The following NELL1 variants were observed in gnomAD, a reference collection of about 807,000 sequenced individuals.
The protein encoded by NELL1 is neural EGFL like 1.
A neutral mutation model predicts 107.4 loss-of-function variants in NELL1; 76 were observed. That is an observed-to-expected ratio of 0.71 (90% CI 0.59 to 0.86). The LOEUF is 0.86. NELL1 is among the 40% of genes least tolerant of loss of function. The pLI, the probability that NELL1 is intolerant of heterozygous loss-of-function variation, is 0.00. For synonymous variants in NELL1, 353 were observed against 341.2 expected, an observed-to-expected ratio of 1.03 and a Z score of -0.38; for missense variants, 1,024 against 1,005.5, an observed-to-expected ratio of 1.02 and a Z score of -0.25.
intron 13 of NELL1, among the ~76,000 whole-genome samples, chr11:21,190,705 C>G (rs1857031515): frequency 1.3e-5 from 2 of 151,864 alleles, no homozygotes; most frequent in South Asian, 4.1e-4. Context: ...CAGTATATGA[C>G]AACCCTAATA....
intron 12 of NELL1, among the ~76,000 whole-genome samples, chr11:21,040,266 T>A (rs534341566): frequency 6.6e-6 from 1 of 152,108 alleles, no homozygotes; most frequent in East Asian, 1.9e-4. Flanking sequence ...AACAATATCC[T>A]ATCACAAAGA....
intron 13 of NELL1, among the ~76,000 whole-genome samples, chr11:21,211,917 C>T (rs1857505985): frequency 6.6e-6 from 1 of 152,084 alleles, no homozygotes; most frequent in Admixed American, 6.6e-5. Flanking sequence ...CCTCTGCCTC[C>T]TGGGTTCAAA....
intron 12 of NELL1, among the ~76,000 whole-genome samples, chr11:21,076,950 T>C (rs1037025728): frequency 6.6e-6 from 1 of 152,146 alleles, no homozygotes; most frequent in African/African-American, 2.4e-5. Context: ...CCTATGCTTC[T>C]GTATAGCCTG....
chr11:21,455,011 G>T (rs1853689818), intron 15 of NELL1, among the ~76,000 whole-genome samples: 1 of 152,100 alleles, frequency 6.6e-6, no homozygotes, highest in Admixed American at 6.5e-5. Flanking sequence ...TAATCTTTTT[G>T]TCGTAGATCC....
At chr11:21,051,707 G>A (rs1232934893) in intron 12 of NELL1, among the ~76,000 whole-genome samples, 1 of 152,036 alleles carries the variant, frequency 6.6e-6, no homozygotes, top group Admixed American at 6.6e-5. Flanking sequence ...GATCTTCACT[G>A]CATGTCTAGC....
At chr11:20,722,805 A>G (rs1309497563) in intron 2 of NELL1, among the ~76,000 whole-genome samples, 1 of 152,192 alleles carries the variant, frequency 6.6e-6, no homozygotes, top group Non-Finnish European at 1.5e-5. Context: ...TCTCTGTATC[A>G]GTCTATTCTC....
In NELL1 at chr11:21,409,734, TTCCC is replaced by T. The variant is rs1189929873; in HGVS notation, c.1645+38787_1645+38790del. On this transcript the variant is annotated intron_variant, in intron 15 of 19. Transcript: ENST00000357134. ...GGCTATTACATTGACATCACATTTA[TTCCC>T]CATATAAACTGGTCAGATTTTACCT... Among the ~76,000 whole-genome samples, 98 of 152,158 alleles carry T rather than the reference TTCCC, an allele frequency of 6.4e-4. 1 individual carries two copies. In the South Asian group the frequency reaches 0.02, roughly 31 times the overall value.
intron 14 of NELL1, among the ~76,000 whole-genome samples, chr11:21,252,858 C>T (rs1858675572): frequency 6.6e-6 from 1 of 152,150 alleles, no homozygotes. Flanking sequence ...ATTACTTAAA[C>T]TTAAACATGG....
At chr11:21,421,087 T>C (rs890562513) in intron 15 of NELL1, among the ~76,000 whole-genome samples, 2 of 152,130 alleles carry the variant, frequency 1.3e-5, no homozygotes, top group Non-Finnish European at 1.5e-5. Flanking sequence ...TGAAAACACA[T>C]TGTATTTATG....
chr11:20,970,739 T>G (rs993736227), intron 12 of NELL1, among the ~76,000 whole-genome samples: 1 of 151,904 alleles, frequency 6.6e-6, no homozygotes, highest in Non-Finnish European at 1.5e-5. Context: ...AGTAAAGATA[T>G]GGTTGATAGT....
intron 3 of NELL1, among the ~76,000 whole-genome samples, chr11:20,790,830 G>C (rs895092106): frequency 6.6e-6 from 1 of 152,206 alleles, no homozygotes; most frequent in African/African-American, 2.4e-5. Context: ...AAGGCTCCCA[G>C]TGGCTCCACA....
At chr11:20,750,853 G>T (rs190083218) in intron 2 of NELL1, among the ~76,000 whole-genome samples, 8 of 152,264 alleles carry the variant, frequency 5.3e-5, no homozygotes, top group Non-Finnish European at 1.2e-4. Context: ...CTCCCAAAGT[G>T]TTGGGATTAC....
At chr11:21,071,167 TTTA>T (rs1374445384) in intron 12 of NELL1, among the ~76,000 whole-genome samples, 1 of 152,150 alleles carries the variant, frequency 6.6e-6, no homozygotes, top group African/African-American at 2.4e-5. Context: ...GGGCCTCAGT[TTTA>T]TTATTTGCAA....
At chr11:21,406,828 A>G (rs1395413707) in intron 15 of NELL1, among the ~76,000 whole-genome samples, 1 of 152,040 alleles carries the variant, frequency 6.6e-6, no homozygotes, top group Non-Finnish European at 1.5e-5. Context: ...CTTTGTGTGG[A>G]GAATATTTCA....
At chr11:20,677,515 T>C (rs945783883) in intron 1 of NELL1, among the ~76,000 whole-genome samples, 1 of 152,216 alleles carries the variant, frequency 6.6e-6, no homozygotes, top group Non-Finnish European at 1.5e-5. Context: ...TTATAATCTT[T>C]ATTTATGCCA....
chr11:21,165,733 C>T (rs953457633), intron 13 of NELL1, among the ~76,000 whole-genome samples: 19 of 144,422 alleles, frequency 1.3e-4, no homozygotes, highest in Non-Finnish European at 2.6e-4. Context: ...CTGGAGTACT[C>T]TTTAGCCATA....
At chr11:20,782,745 C>G (rs1256047360) in intron 2 of NELL1, among the ~76,000 whole-genome samples, 1 of 152,172 alleles carries the variant, frequency 6.6e-6, no homozygotes, top group South Asian at 2.1e-4. Context: ...AAACACACTT[C>G]TAATGTTCAT....
At chr11:21,089,680 T>C (rs1389059935) in intron 12 of NELL1, among the ~76,000 whole-genome samples, 2 of 152,184 alleles carry the variant, frequency 1.3e-5, no homozygotes, top group Non-Finnish European at 2.9e-5. Flanking sequence ...TTTTATAGAA[T>C]TAAAAGAGGA....
At chr11:21,239,831 G>A (rs773341972) in intron 14 of NELL1, among the ~76,000 whole-genome samples, 34 of 152,088 alleles carry the variant, frequency 2.2e-4, no homozygotes, top group Admixed American at 1.0e-3. Flanking sequence ...CTGCAGGGCT[G>A]GCATCTTCTC....
Sources: allele counts gnomAD v4.1 joint callset (sites outside exome capture counted in the v4.1 genomes callset), GRCh38; gene constraint gnomAD v4.1.1; transcripts MANE v1.5; gene names NCBI Gene and HGNC (gene_info 2026-07-23, HGNC 2026-07-21).